PCDH15: variants seen among roughly 807,000 people sequenced by gnomAD.
The protein encoded by PCDH15 is protocadherin-15.
A neutral mutation model predicts 178.5 loss-of-function variants in PCDH15; 129 were observed. The ratio of observed to expected loss-of-function variants is 0.72; its 90% confidence interval spans 0.63 to 0.84. The LOEUF (loss-of-function observed/expected upper bound fraction) is 0.84, where lower values mean the gene tolerates loss of function less well. PCDH15 is among the 40% of genes least tolerant of loss of function. The pLI, the probability that PCDH15 is intolerant of heterozygous loss-of-function variation, is 0.00. For missense variants in PCDH15, 2,230 were observed against 2,099.9 expected (o/e 1.06, Z -1.21); for synonymous variants, 800 against 732.0 (o/e 1.09, Z -1.50).
At chr10:54,679,834 A>T (rs189608492) in intron 1 of PCDH15, among the ~76,000 whole-genome samples, 91 of 152,328 alleles carry the variant, frequency 6.0e-4, no homozygotes, top group African/African-American at 2.1e-3. Flanking sequence ...TTAGTTTCTT[A>T]AAAACAAATT....
chr10:53,908,927 C>G (rs775096569), intron 25 of PCDH15, among the ~76,000 whole-genome samples: 1 of 152,152 alleles, frequency 6.6e-6, no homozygotes, highest in East Asian at 1.9e-4. Flanking sequence ...AACACACAAA[C>G]AATTTTTTAT....
intron 18 of PCDH15, among the ~76,000 whole-genome samples, chr10:54,047,067 T>C (rs1017088002): frequency 6.6e-6 from 1 of 152,120 alleles, no homozygotes; most frequent in African/African-American, 2.4e-5. Context: ...AAATAAGTAA[T>C]GTAGCATTAA....
intron 29 of PCDH15, 47 bp from the exon 30 acceptor site, chr10:53,831,580 G>C (rs2077018841): frequency 1.5e-6 from 2 of 1,345,944 alleles, no homozygotes; most frequent in East Asian, 4.7e-5. Context: ...AGCAGAGAAA[G>C]AGCATTTTAA....
intron 2 of PCDH15, among the ~76,000 whole-genome samples, chr10:55,464,836 T>G (rs1422092648): frequency 6.7e-6 from 1 of 150,008 alleles, no homozygotes; most frequent in African/African-American, 2.4e-5. Context: ...ACCCTACTTG[T>G]GCCCATCCTT....
chr10:54,568,470 T>C (rs2089344688), intron 2 of PCDH15: 1 of 152,132 alleles, frequency 6.6e-6, no homozygotes, highest in South Asian at 2.1e-4. Flanking sequence ...CTGTAAAATA[T>C]AGTCTTCAAC....
Position 54,575,575 on chromosome 10 carries a change from G to C in PCDH15, c.92-47698C>G, listed in dbSNP as rs113561221. Among the ~76,000 whole-genome samples, 1,208 of 152,162 alleles carry C rather than the reference G, an allele frequency of 7.9e-3. 4 individuals are homozygous for C. The highest frequency in any genetic ancestry group is 0.012 in the Non-Finnish European group (817 of 68,006). ...TCCATCTATATCAGAATGATATCTAGATGCTTGTGTTTCTCTTAATCTTTT... is the reference window on the plus strand; with the variant it reads ...TCCATCTATATCAGAATGATATCTACATGCTTGTGTTTCTCTTAATCTTTT... On this transcript the variant is annotated intron_variant, in intron 2 of 37. Coordinates refer to ENST00000644397, the MANE Select transcript of PCDH15 (RefSeq NM_001384140.1).
In PCDH15 at chr10:54,939,493, T is replaced by A. The variant is rs1317991113; in HGVS notation, c.-79-41993A>T. Among the ~76,000 whole-genome samples the A allele has an allele frequency of 4.9e-4, 5 of 10,222 alleles. No individual in the cohort carries two copies. The East Asian group carries it at 8.2e-3, about 17-fold the overall frequency. The allele number at this position is 10,222 out of a possible 152,430, so 6.7% of individuals were successfully genotyped here. On this transcript the variant is annotated intron_variant, in intron 2 of 5. Coordinates refer to the PCDH15 transcript ENST00000458638. ...CTGGGCAATAGAATGAGACTCCGTC[T>A]CAAAAAAAAAAAAAAAAAAAAAAAA...
intron 1 of PCDH15, among the ~76,000 whole-genome samples, chr10:55,234,622 C>CCACCTA (rs1423223247): frequency 6.6e-6 from 1 of 152,010 alleles, no homozygotes; most frequent in African/African-American, 2.4e-5. Context: ...CTCAAGCAAT[C>CCACCTA]CACCTACCTC....
chr10:54,696,017 G>A (rs1374656499), intron 1 of PCDH15, among the ~76,000 whole-genome samples: 1 of 152,040 alleles, frequency 6.6e-6, no homozygotes. Context: ...GGATCAAGGA[G>A]TAATTTTGAC....
chr10:54,587,527 A>C (rs905905150), intron 2 of PCDH15, among the ~76,000 whole-genome samples: 1 of 123,848 alleles, frequency 8.1e-6, no homozygotes. Context: ...AAACCCAAAC[A>C]CACAATAAAA....
At chr10:54,853,422 T>TATATCTATACACATACAC (rs1953677863) in intron 3 of PCDH15, among the ~76,000 whole-genome samples, 2 of 138,292 alleles carry the variant, frequency 1.4e-5, no homozygotes, top group Non-Finnish European at 3.1e-5. Flanking sequence ...TACACATACA[T>TATATCTATACACATACAC]ATATATATAC....
chr10:55,220,118 C>T (rs1840827476), intron 1 of PCDH15, among the ~76,000 whole-genome samples: 2 of 151,906 alleles, frequency 1.3e-5, no homozygotes, highest in East Asian at 1.9e-4. Flanking sequence ...TACTTAAGGC[C>T]CTATGTCTTA....
chr10:55,565,639 T>C (rs1043278703), intron 2 of PCDH15, among the ~76,000 whole-genome samples: 6 of 151,468 alleles, frequency 4.0e-5, no homozygotes, highest in Admixed American at 6.6e-5. Context: ...ATTACTACAA[T>C]GAGAAATGAA....
intron 8 of PCDH15, among the ~76,000 whole-genome samples, chr10:54,316,558 ACACACACACACACACAC>A (rs748768941): frequency 0.015 from 1,711 of 116,356 alleles, 37 homozygotes; most frequent in African/African-American, 0.036. Flanking sequence ...ACACACACAC[ACACACACACACACACAC>A]AAATACACCT....
intron 2 of PCDH15, among the ~76,000 whole-genome samples, chr10:55,565,956 C>A (rs4275525): frequency 0.01 from 1,588 of 151,614 alleles, 32 homozygotes; most frequent in African/African-American, 0.035. Flanking sequence ...AAAATGCTGT[C>A]ATGAGGGAAC....
chr10:54,951,345 T>C (rs1421752780), intron 2 of PCDH15, among the ~76,000 whole-genome samples: 1 of 151,956 alleles, frequency 6.6e-6, no homozygotes, highest in African/African-American at 2.4e-5. Context: ...GATTGGCTTT[T>C]CTCACTTAGC....
intron 3 of PCDH15, among the ~76,000 whole-genome samples, chr10:54,854,237 T>A (rs1379500721): frequency 1.3e-5 from 2 of 152,132 alleles, no homozygotes; most frequent in Admixed American, 1.3e-4. Flanking sequence ...AGCTTAGAGA[T>A]GCCAGAAACT....
chr10:55,458,912 G>T (rs1358795456), intron 2 of PCDH15, among the ~76,000 whole-genome samples: 2 of 151,950 alleles, frequency 1.3e-5, no homozygotes, highest in Non-Finnish European at 2.9e-5. Context: ...TACTCAAAAA[G>T]TTTATAACTA....
Position 53,806,564 on chromosome 10 carries a change from C to CTT in PCDH15, c.*13_*14dup, listed in dbSNP as rs760223618. The CTT allele has an allele frequency of 1.4e-5, 22 of 1,548,650 alleles. No individual in the cohort carries two copies. The highest frequency in any genetic ancestry group is 1.9e-5 in the Non-Finnish European group (22 of 1,142,784). On this transcript the variant is annotated 3_prime_UTR_variant, in exon 38 of 38. Coordinates refer to ENST00000644397, the MANE Select transcript of PCDH15 (RefSeq NM_001384140.1). Reference sequence around the variant, plus strand: ...TGTAAGTAAAAATTAATTAAAATATCTTTTAAAAAATTGGTCACAGTTTTG... The same window carrying CTT: ...TGTAAGTAAAAATTAATTAAAATATCTTTTTTAAAAAATTGGTCACAGTTTTG...
Sources: allele counts gnomAD v4.1 joint callset (sites outside exome capture counted in the v4.1 genomes callset), GRCh38; gene constraint gnomAD v4.1.1; transcripts MANE v1.5; gene names NCBI Gene and HGNC (gene_info 2026-07-23, HGNC 2026-07-21).